MAF: variants seen among roughly 807,000 people sequenced by gnomAD.
MAF encodes the protein transcription factor Maf.
Under a neutral mutation model 22.0 loss-of-function variants are expected in MAF, and 10 were observed. The observed-to-expected ratio is 0.45, with a 90% CI of 0.28 to 0.77. The LOEUF is 0.77. Among genes scored for constraint, MAF ranks in the 30% least tolerant of loss-of-function variants. MAF has a pLI of 0.12. For missense variants in MAF, 544 were observed against 548.4 expected (o/e 0.99, Z 0.08); for synonymous variants, 337 against 255.8 (o/e 1.32, Z -3.03).
At chr16:79,323,464 C>G in the MAF span, among the ~76,000 whole-genome samples, 2 of 151,820 alleles carry the variant, frequency 1.3e-5, no homozygotes, top group African/African-American at 2.4e-5. Context: ...TTTTTACAGA[C>G]AAATTAAAAA....
At chr16:79,548,728 G>C in the MAF span, among the ~76,000 whole-genome samples, 1 of 152,066 alleles carries the variant, frequency 6.6e-6, no homozygotes, top group South Asian at 2.1e-4. Flanking sequence ...TTGAATACCT[G>C]CCCAGCAGAT....
the MAF span, among the ~76,000 whole-genome samples, chr16:79,288,465 G>A: frequency 6.6e-6 from 1 of 152,252 alleles, no homozygotes; most frequent in Non-Finnish European, 1.5e-5. Flanking sequence ...TCAGCCCCCA[G>A]CCCTTGGGAG....
At chr16:79,291,202 C>T in the MAF span, among the ~76,000 whole-genome samples, 3 of 152,206 alleles carry the variant, frequency 2.0e-5, no homozygotes, top group African/African-American at 7.2e-5. Context: ...TCCTACAGAG[C>T]ATAGGAGTGG....
At chr16:79,465,024 T>C in the MAF span, among the ~76,000 whole-genome samples, 1 of 152,296 alleles carries the variant, frequency 6.6e-6, no homozygotes, top group Non-Finnish European at 1.5e-5. Flanking sequence ...TGGATAGTCA[T>C]CCAGATCTCA....
chr16:79,363,482 T>C, the MAF span, among the ~76,000 whole-genome samples: 2 of 152,304 alleles, frequency 1.3e-5, no homozygotes, highest in Middle Eastern at 3.4e-3. Flanking sequence ...TAATATCTAA[T>C]GTAATTTATT....
chr16:79,553,260 T>G, the MAF span, among the ~76,000 whole-genome samples: 1 of 152,236 alleles, frequency 6.6e-6, no homozygotes, highest in Non-Finnish European at 1.5e-5. Flanking sequence ...AGGGAAGGCC[T>G]TGGCCATTGC....
the MAF span, among the ~76,000 whole-genome samples, chr16:79,526,384 C>T: frequency 9.2e-5 from 14 of 152,128 alleles, no homozygotes; most frequent in South Asian, 2.1e-4. Flanking sequence ...GCTGATTTGA[C>T]GGGAGGCAGA....
the MAF span, among the ~76,000 whole-genome samples, chr16:79,273,142 C>T: frequency 1.3e-5 from 2 of 152,142 alleles, no homozygotes; most frequent in African/African-American, 2.4e-5. Flanking sequence ...TTTAGTCAGA[C>T]CTTCAGGGAA....
chr16:79,391,875 G>GAGGAGGAGA, the MAF span, among the ~76,000 whole-genome samples: 1 of 127,640 alleles, frequency 7.8e-6, no homozygotes, highest in African/African-American at 2.6e-5. Context: ...GGAGGAGAAG[G>GAGGAGGAGA]AGGAGGAGGA....
At chr16:79,357,066 G>T in the MAF span, among the ~76,000 whole-genome samples, 1 of 152,224 alleles carries the variant, frequency 6.6e-6, no homozygotes, top group African/African-American at 2.4e-5. Flanking sequence ...AGACCAGCCA[G>T]GCCAACATGG....
At chr16:79,249,913 T>C in the MAF span, among the ~76,000 whole-genome samples, 3 of 152,342 alleles carry the variant, frequency 2.0e-5, no homozygotes, top group African/African-American at 7.2e-5. Flanking sequence ...CAGTGCCTGA[T>C]GCAAAGCAGG....
At chr16:79,441,368 G>T in the MAF span, among the ~76,000 whole-genome samples, 1,318 of 152,312 alleles carry the variant, frequency 8.7e-3, 20 homozygotes, top group African/African-American at 0.03. Flanking sequence ...TAGAACAGGG[G>T]TTATAAACTT....
At chr16:79,305,201 A>G in the MAF span, among the ~76,000 whole-genome samples, 3 of 152,162 alleles carry the variant, frequency 2.0e-5, no homozygotes, top group Non-Finnish European at 4.4e-5. Context: ...GGGCAGGTGA[A>G]CTGTTTCTAT....
chr16:79,484,365 G>C, the MAF span, among the ~76,000 whole-genome samples: 2 of 152,186 alleles, frequency 1.3e-5, no homozygotes, highest in African/African-American at 4.8e-5. Context: ...GAGGGCTCAA[G>C]TGACCCAGGC....
the MAF span, chr16:79,264,625 A>T: frequency 6.6e-6 from 1 of 152,178 alleles, no homozygotes; most frequent in Non-Finnish European, 1.5e-5. Context: ...TGAGTCAGAC[A>T]AAAGAATTAT....
chr16:79,507,906 C>T, the MAF span, among the ~76,000 whole-genome samples: 2 of 152,050 alleles, frequency 1.3e-5, no homozygotes, highest in East Asian at 1.9e-4. Context: ...ATTGTTATTA[C>T]CTGAAAGCAT....
chr16:79,231,393 C>T, the MAF span, among the ~76,000 whole-genome samples: 2 of 151,974 alleles, frequency 1.3e-5, no homozygotes, highest in Non-Finnish European at 2.9e-5. Flanking sequence ...TGAAAGAAGG[C>T]CTATCAAGGA....
At chr16:79,400,972 C>A in the MAF span, among the ~76,000 whole-genome samples, 1 of 152,258 alleles carries the variant, frequency 6.6e-6, no homozygotes, top group Non-Finnish European at 1.5e-5. Context: ...AGGGCTCACA[C>A]ATACACAGGC....
chr16:79,550,132 G>C, the MAF span, among the ~76,000 whole-genome samples: 2 of 152,042 alleles, frequency 1.3e-5, no homozygotes, highest in African/African-American at 4.8e-5. Context: ...TGTTCCCCCA[G>C]GGCATCTGCA....
Sources: allele counts gnomAD v4.1 joint callset (sites outside exome capture counted in the v4.1 genomes callset), GRCh38; gene constraint gnomAD v4.1.1; transcripts MANE v1.5; gene names NCBI Gene and HGNC (gene_info 2026-07-23, HGNC 2026-07-21).